The following PIGB variants were observed in gnomAD, a reference collection of about 807,000 sequenced individuals.
PIGB encodes the protein GPI alpha-1,2-mannosyltransferase 3.
Under a neutral mutation model 68.4 loss-of-function variants are expected in PIGB, and 58 were observed. That is an observed-to-expected ratio of 0.85 (90% confidence interval 0.69 to 1.06). The LOEUF (loss-of-function observed/expected upper bound fraction) is 1.06. PIGB is among the 50% of genes least tolerant of loss of function. PIGB has a pLI of 0.00. For missense variants in PIGB, 634 were observed against 655.8 expected (o/e 0.97, Z 0.36); for synonymous variants, 219 against 220.5 (o/e 0.99, Z 0.06).
intron 5 of PIGB, among the ~76,000 whole-genome samples, chr15:55,332,622 C>T (rs899804154): frequency 1.3e-5 from 2 of 152,148 alleles, no homozygotes; most frequent in Non-Finnish European, 2.9e-5. Flanking sequence ...ATCCACCCAC[C>T]TCGGCCTCCC....
chr15:55,347,544 T>C (rs1157838871), intron 9 of PIGB, among the ~76,000 whole-genome samples: 1 of 152,238 alleles, frequency 6.6e-6, no homozygotes, highest in African/African-American at 2.4e-5. Flanking sequence ...TGACATGTAG[T>C]AAGGCTCCCA....
intron 9 of PIGB, chr15:55,343,652 G>A (rs2055723819): frequency 6.6e-6 from 1 of 152,116 alleles, no homozygotes; most frequent in African/African-American, 2.4e-5. Flanking sequence ...ACAGTTTATT[G>A]AGATAAAATG....
At chr15:55,329,620 T>G in intron 4 of PIGB, 104 bp from the exon 5 acceptor site, 1 of 918,806 alleles carries the variant, frequency 1.1e-6, no homozygotes, top group Non-Finnish European at 1.6e-6. Context: ...TACCTTTTGA[T>G]GTCCTTTTCA....
At chr15:55,351,894 C>G (rs1359413393) in intron 10 of PIGB, 2 of 104,684 alleles carry the variant, frequency 1.9e-5, no homozygotes, top group Admixed American at 9.8e-5. Flanking sequence ...AAAAAAAAAA[C>G]ATGGATTTTA....
At chr15:55,324,359 A>G (rs2055232417) in intron 3 of PIGB, among the ~76,000 whole-genome samples, 1 of 152,202 alleles carries the variant, frequency 6.6e-6, no homozygotes, top group Admixed American at 6.5e-5. Context: ...ACTCTTTAGC[A>G]GGTCCTTACT....
chr15:55,351,340 C>T (rs1345976203), intron 10 of PIGB, among the ~76,000 whole-genome samples: 1 of 151,804 alleles, frequency 6.6e-6, no homozygotes, highest in Admixed American at 6.6e-5. Context: ...ATCTCCTGAC[C>T]TCGTGATCTG....
intron 3 of PIGB, among the ~76,000 whole-genome samples, chr15:55,326,927 G>C (rs1178189329): frequency 6.6e-6 from 1 of 150,824 alleles, no homozygotes; most frequent in Non-Finnish European, 1.5e-5. Flanking sequence ...AGTGGCTCAC[G>C]CTTGTAATCC....
intron 3 of PIGB, among the ~76,000 whole-genome samples, chr15:55,323,324 G>A (rs1401812114): frequency 6.6e-6 from 1 of 152,160 alleles, no homozygotes; most frequent in Non-Finnish European, 1.5e-5. Context: ...TCTACAAACT[G>A]CATAAGGCTT....
chr15:55,319,681 C>T (rs1180130366), intron 1 of PIGB: 3 of 296,508 alleles, frequency 1.0e-5, no homozygotes, highest in Non-Finnish European at 1.9e-5. Context: ...ATCACACAGA[C>T]CCGGGTTTGA....
In PIGB at chr15:55,334,768, G is replaced by A. The variant is rs1015165070; in HGVS notation, c.794+761G>A. ...GGAGTCTCACTCTGTCACCTAGGCT[G>A]GAGTGCAGTGGTGCATTCTCACTTC... On this transcript the variant is annotated intron_variant, in intron 6 of 11. Transcript: ENST00000164305. Among the ~76,000 whole-genome samples, 3 of 152,168 alleles carry A rather than the reference G, an allele frequency of 2.0e-5. No individual in the cohort carries two copies. In the East Asian group the frequency reaches 5.8e-4, roughly 29 times the overall value.
chr15:55,319,235 A>G lies in PIGB; in HGVS notation c.-16A>G, dbSNP rs28668016. On this transcript the variant is annotated 5_prime_UTR_variant, in exon 1 of 12. Transcript: ENST00000164305. ...TACTGCAGCTTTCTTCCGCCTTAGG[A>G]AGGTGGCGGCCAGGGATGAGGAGGC... 0.2 allele frequency: 324,727 copies of G among 1,597,260 alleles called. 37,261 individuals carry two copies. Among genetic ancestry groups the G allele is most frequent in the East Asian group, 0.53 (23,463 of 44,346 alleles).
At chr15:55,326,937 C>A (rs2055301921) in intron 3 of PIGB, among the ~76,000 whole-genome samples, 1 of 151,882 alleles carries the variant, frequency 6.6e-6, no homozygotes, top group Non-Finnish European at 1.5e-5. Context: ...GCTTGTAATC[C>A]CAACACTTTG....
rs2141210157 is a variant in PIGB at position 55,346,170 on chromosome 15, G to A, written c.1123+4368G>A. Among the ~76,000 whole-genome samples, 4 of 152,288 alleles carry A rather than the reference G, an allele frequency of 2.6e-5. 1 individual carries two copies. In the South Asian group the frequency reaches 8.3e-4, roughly 32 times the overall value. On this transcript the variant is annotated intron_variant, in intron 9 of 11. Coordinates refer to ENST00000164305, the MANE Select transcript of PIGB (RefSeq NM_004855.5). Reference sequence around the variant, plus strand: ...GCTAGATATCCAAAATTTTTAAAGTGTGTATATCAAGCTAAATAATACATG... The same window carrying A: ...GCTAGATATCCAAAATTTTTAAAGTATGTATATCAAGCTAAATAATACATG...
intron 6 of PIGB, among the ~76,000 whole-genome samples, chr15:55,337,998 C>T (rs140931606): frequency 2.0e-5 from 3 of 152,194 alleles, no homozygotes; most frequent in African/African-American, 7.2e-5. Flanking sequence ...ATAGTGGTTA[C>T]CTTTGGGAAG....
chr15:55,326,551 A>T (rs1392996818), intron 3 of PIGB, among the ~76,000 whole-genome samples: 3 of 152,212 alleles, frequency 2.0e-5, no homozygotes, highest in Non-Finnish European at 2.9e-5. Context: ...TGTTGTTGCT[A>T]ATGAATATAA....
Position 55,321,316 on chromosome 15 carries a change from T to G in PIGB, c.343T>G (p.Tyr115Asp). 6.2e-7 allele frequency: 1 copy of G among 1,607,104 alleles called. No individual in the cohort carries two copies. Among genetic ancestry groups the G allele is most frequent in the Non-Finnish European group, 8.5e-7 (1 of 1,174,940 alleles). ...GGAATGGACAGAGAGACTGAGGAGTTACACTTATCCCTTAATCTTTGCAAG... is the reference window on the plus strand; with the variant it reads ...GGAATGGACAGAGAGACTGAGGAGTGACACTTATCCCTTAATCTTTGCAAG... ...TWEWTERLRSYTYPLIFASIY... is the reference protein window; with the variant it reads ...TWEWTERLRSDTYPLIFASIY... The change falls in exon 3 of 12, where the codon TAC (tyrosine) becomes GAC (aspartate). Residue 115 changes from tyrosine (Y) to aspartate (D), a missense_variant. Physicochemically the swap from Tyr to Asp is radical, Grantham distance 160. Coordinates refer to ENST00000164305, the MANE Select transcript of PIGB (RefSeq NM_004855.5).
At chr15:55,348,963 T>G (rs1448161624) in intron 9 of PIGB, among the ~76,000 whole-genome samples, 2 of 152,148 alleles carry the variant, frequency 1.3e-5, no homozygotes, top group Non-Finnish European at 2.9e-5. Context: ...TTTAATTTAT[T>G]TTGAGACAGT....
Position 55,321,257 on chromosome 15 carries a change from T to C in PIGB, c.300-16T>C. ...GGTTTCAATATTATTGGACATTTACTCCTTAATGTTACTAATTATGGTTAT... is the reference window on the plus strand; with the variant it reads ...GGTTTCAATATTATTGGACATTTACCCCTTAATGTTACTAATTATGGTTAT... On this transcript the variant is annotated splice_polypyrimidine_tract_variant and intron_variant, in intron 2 of 11. Transcript: ENST00000164305. The C allele has an allele frequency of 6.4e-7, 1 of 1,557,460 alleles. No individual in the cohort carries two copies. The highest frequency in any genetic ancestry group is 8.7e-7 in the Non-Finnish European group (1 of 1,153,702).
In PIGB at chr15:55,355,391, C is replaced by T. The variant is rs765017632; in HGVS notation, c.1624C>T (p.Arg542Trp). 39 of 1,609,312 alleles carry T rather than the reference C, an allele frequency of 2.4e-5. No homozygotes were observed. The highest frequency in any genetic ancestry group is 1.3e-4 in the East Asian group (6 of 44,704). ...TGGAAGTCACATATATGTCTATGAA[C>T]GGAAGTTAAAAGGGAAATTCAACAT... ...RIGSHIYVYE[R>W]KLKGKFNMKM... is the part of the protein sequence containing the mutation. Residue 542 changes from arginine to tryptophan, a missense_variant, in exon 12 of 12, where the codon CGG becomes TGG. Physicochemically the swap from Arg to Trp is moderately radical, Grantham distance 101. Coordinates refer to ENST00000164305, the MANE Select transcript of PIGB (RefSeq NM_004855.5).
Sources: gnomAD v4.1 joint callset for allele counts (sites outside exome capture counted in the v4.1 genomes callset) on GRCh38, gnomAD v4.1.1 for gene constraint, MANE v1.5 for transcripts, NCBI Gene and HGNC (gene_info 2026-07-23, HGNC 2026-07-21) for gene names.